The following PCM1 variants were observed in gnomAD, a reference collection of about 807,000 sequenced individuals.
PCM1 encodes pericentriolar material 1 protein.
Under a neutral mutation model 241.9 loss-of-function variants are expected in PCM1, and 157 were observed. The observed-to-expected ratio is 0.65, with a 90% CI of 0.57 to 0.74. PCM1 has a LOEUF of 0.74. PCM1 is among the 30% of genes least tolerant of loss of function. The probability of loss-of-function intolerance (pLI) is 0.00; values close to 1 mark genes in which losing one functional copy is unlikely to be tolerated. For missense variants in PCM1, 3,478 were observed against 2,360.1 expected, an observed-to-expected ratio of 1.47 and a Z score of -9.81; for synonymous variants, 1,085 against 784.9, an observed-to-expected ratio of 1.38 and a Z score of -6.39.
At chr8:18,000,690 C>A (rs59510497) in intron 29 of PCM1, among the ~76,000 whole-genome samples, 7 of 152,072 alleles carry the variant, frequency 4.6e-5, no homozygotes, top group African/African-American at 1.7e-4. Flanking sequence ...GGCGCGATCT[C>A]GGCTCACTGC....
At chr8:17,955,407 G>T in intron 9 of PCM1, 63 bp from the exon 10 acceptor site, 1 of 1,127,062 alleles carries the variant, frequency 8.9e-7, no homozygotes, top group Non-Finnish European at 1.2e-6. Context: ...CAAGCCAACT[G>T]TATGTGTTTG....
Sources: allele counts gnomAD v4.1 joint callset (sites outside exome capture counted in the v4.1 genomes callset), GRCh38; gene constraint gnomAD v4.1.1; transcripts MANE v1.5; gene names NCBI Gene and HGNC (gene_info 2026-07-23, HGNC 2026-07-21).